The following RNF144A variants were observed in gnomAD, a reference collection of about 807,000 sequenced individuals.
RNF144A encodes ring finger protein 144A.
A neutral mutation model predicts 38.7 loss-of-function variants in RNF144A; 11 were observed. The observed-to-expected ratio is 0.28, with a 90% CI of 0.18 to 0.47. The LOEUF is 0.47. Ranked by LOEUF, RNF144A falls within the 20% of genes least tolerant of loss-of-function variation. RNF144A has a pLI of 0.99. For synonymous variants in RNF144A, 149 were observed against 143.9 expected (o/e 1.04, Z -0.25); for missense variants, 316 against 377.2 (o/e 0.84, Z 1.34).
At chr2:6,955,273 G>A (rs1666930380) in intron 2 of RNF144A, among the ~76,000 whole-genome samples, 1 of 152,218 alleles carries the variant, frequency 6.6e-6, no homozygotes, top group Non-Finnish European at 1.5e-5. Context: ...GAAGCCTAAT[G>A]TCTGAAAAAT....
intron 6 of RNF144A, among the ~76,000 whole-genome samples, chr2:7,066,404 C>T (rs1173435430): frequency 6.6e-6 from 1 of 152,152 alleles, no homozygotes; most frequent in Non-Finnish European, 1.5e-5. Flanking sequence ...TCTCTTTTAT[C>T]TTAAGCTATC....
Position 6,944,654 on chromosome 2 carries a change from C to T in RNF144A, c.-12+3507C>T, listed in dbSNP as rs545674084. ...TTCCCTGCAGTGCTTTTGCTGGCCC[C>T]GAGATAGGGTCTCCTCAGGTGTGAG... On this transcript the variant is annotated intron_variant, in intron 2 of 8. Coordinates refer to ENST00000320892, the MANE Select transcript of RNF144A (RefSeq NM_014746.6). This position sits in a 1 kb window ranked among gnomAD's most constrained non-coding sequence, Gnocchi z 4.7. Among the ~76,000 whole-genome samples the T allele has an allele frequency of 6.6e-6, 1 of 152,212 alleles. No homozygotes were observed. The highest frequency in any genetic ancestry group is 6.5e-5 in the Admixed American group (1 of 15,292).
At chr2:7,014,906 C>T in intron 5 of RNF144A, 134 bp downstream of exon 5, 1 of 656,608 alleles carries the variant, frequency 1.5e-6, no homozygotes, top group Non-Finnish European at 2.6e-6. Context: ...AAATAAACTT[C>T]TGAAATTAAA....
chr2:7,035,175 G>T (rs954695202), intron 8 of RNF144A, among the ~76,000 whole-genome samples: 2 of 152,078 alleles, frequency 1.3e-5, no homozygotes, highest in Non-Finnish European at 2.9e-5. Flanking sequence ...GCCCTGTTTT[G>T]TTCCTTCTCC....
At chr2:7,033,107 G>A (rs1246905353) in intron 8 of RNF144A, among the ~76,000 whole-genome samples, 1 of 152,266 alleles carries the variant, frequency 6.6e-6, no homozygotes, top group Non-Finnish European at 1.5e-5. Flanking sequence ...CCAGGTGAGA[G>A]CAGGTGCTTT....
At chr2:7,075,003 A>C in the RNF144A span, among the ~76,000 whole-genome samples, 1 of 152,208 alleles carries the variant, frequency 6.6e-6, no homozygotes, top group Non-Finnish European at 1.5e-5. Context: ...TTCTGTTGCA[A>C]ATACTTGCAT....
intron 5 of RNF144A, among the ~76,000 whole-genome samples, chr2:7,018,145 A>G (rs1671264470): frequency 6.6e-6 from 1 of 152,138 alleles, no homozygotes; most frequent in Non-Finnish European, 1.5e-5. Context: ...CTCCTTGCTG[A>G]TGTCAGAAGC....
At chr2:7,032,056 G>A (rs994822697) in intron 8 of RNF144A, among the ~76,000 whole-genome samples, 2 of 152,274 alleles carry the variant, frequency 1.3e-5, no homozygotes, top group African/African-American at 4.8e-5. Flanking sequence ...AAAGCTGTAT[G>A]GATAAACAAA....
At chr2:6,959,017 C>G (rs1378969482) in intron 2 of RNF144A, among the ~76,000 whole-genome samples, 4 of 152,234 alleles carry the variant, frequency 2.6e-5, no homozygotes, top group African/African-American at 9.6e-5. Flanking sequence ...TGATCACTCT[C>G]TTACTGCCCT....
chr2:7,053,272 G>A (rs1673598874), intron 6 of RNF144A, among the ~76,000 whole-genome samples: 1 of 152,152 alleles, frequency 6.6e-6, no homozygotes, highest in South Asian at 2.1e-4. Flanking sequence ...GTCAGAACCT[G>A]GATTTTCAGA....
intron 2 of RNF144A, among the ~76,000 whole-genome samples, chr2:6,994,833 C>T (rs1368130568): frequency 6.6e-6 from 1 of 152,220 alleles, no homozygotes; most frequent in Admixed American, 6.5e-5. Context: ...CACTCCCGCC[C>T]CAGACGCTGA....
intron 2 of RNF144A, among the ~76,000 whole-genome samples, chr2:6,993,271 A>T (rs1002690327): frequency 2.0e-5 from 3 of 152,184 alleles, no homozygotes; most frequent in African/African-American, 7.2e-5. Context: ...CCTGCTTCAA[A>T]TCCAGCTCAT....
intron 6 of RNF144A, among the ~76,000 whole-genome samples, chr2:7,052,861 A>ACC (rs1486085012): frequency 6.6e-6 from 1 of 151,300 alleles, no homozygotes; most frequent in Non-Finnish European, 1.5e-5. Flanking sequence ...ACACACACAC[A>ACC]CCATTTGCAT....
chr2:7,024,643 C>T (rs889143790), intron 7 of RNF144A, 127 bp downstream of exon 7: 14 of 1,053,230 alleles, frequency 1.3e-5, no homozygotes, highest in East Asian at 2.4e-5. Flanking sequence ...GAAGCAACAC[C>T]GTTTGGTGTT....
intron 7 of RNF144A, among the ~76,000 whole-genome samples, chr2:7,025,900 A>T (rs183063559): frequency 3.9e-5 from 6 of 152,336 alleles, no homozygotes; most frequent in Non-Finnish European, 8.8e-5. Flanking sequence ...CAGGGCGGAC[A>T]GTCAGAGCAA....
intron 8 of RNF144A, among the ~76,000 whole-genome samples, chr2:7,037,361 T>C (rs1672748107): frequency 6.6e-6 from 1 of 152,262 alleles, no homozygotes; most frequent in South Asian, 2.1e-4. Flanking sequence ...TTTGGCATTA[T>C]TTTGACTGCA....
chr2:6,999,368 G>T (rs1052430765), intron 3 of RNF144A, among the ~76,000 whole-genome samples: 1 of 152,210 alleles, frequency 6.6e-6, no homozygotes, highest in African/African-American at 2.4e-5. Flanking sequence ...TGGGCTGCAG[G>T]TCGCCCCAAG....
At chr2:6,972,822 C>G (rs966993775) in intron 2 of RNF144A, among the ~76,000 whole-genome samples, 1 of 152,122 alleles carries the variant, frequency 6.6e-6, no homozygotes, top group East Asian at 1.9e-4. Flanking sequence ...GCAGAAGATC[C>G]GCAGGGAAGA....
chr2:6,976,613 A>C (rs900843203), intron 2 of RNF144A, among the ~76,000 whole-genome samples: 7 of 148,410 alleles, frequency 4.7e-5, no homozygotes, highest in Admixed American at 1.3e-4. Flanking sequence ...ATATAATGAT[A>C]TATGTCATAT....
Sources: gnomAD v4.1 joint callset for allele counts (sites outside exome capture counted in the v4.1 genomes callset) on GRCh38, gnomAD v4.1.1 for gene constraint, Gnocchi (gnomAD v3.1) non-coding constraint, MANE v1.5 for transcripts, NCBI Gene and HGNC (gene_info 2026-07-23, HGNC 2026-07-21) for gene names.